Variants in FLNB observed in about 807,000 individuals in gnomAD.
FLNB encodes the protein filamin-B.
FLNB carries 111 observed loss-of-function variants against 250.6 expected under a neutral mutation model. That is an observed-to-expected ratio of 0.44 (90% CI 0.38 to 0.52). FLNB has a LOEUF of 0.52. Among genes scored for constraint, FLNB ranks in the 20% least tolerant of loss-of-function variants. The probability of loss-of-function intolerance (pLI) is 0.00; values close to 1 mark genes in which losing one functional copy is unlikely to be tolerated. For synonymous variants in FLNB, 1,302 were observed against 1,372.1 expected (o/e 0.95, Z 1.13); for missense variants, 2,869 against 3,447.8 (o/e 0.83, Z 4.20).
At chr3:58,104,146 G>A (rs2097255527) in intron 10 of FLNB, 61 bp downstream of exon 10, 2 of 1,586,246 alleles carry the variant, frequency 1.3e-6, no homozygotes, top group Non-Finnish European at 1.7e-6. Flanking sequence ...GCGGACTCAT[G>A]GGTAGTTGCT....
intron 26 of FLNB, among the ~76,000 whole-genome samples, 183 bp from the exon 27 acceptor site, chr3:58,134,431 CAT>C (rs1479418256): frequency 1.3e-5 from 2 of 152,212 alleles, no homozygotes; most frequent in Non-Finnish European, 2.9e-5. Flanking sequence ...ACCAGTCTGT[CAT>C]ATGATGGTTA....
At chr3:58,060,724 A>T (rs1183636972) in intron 1 of FLNB, among the ~76,000 whole-genome samples, 2 of 130,604 alleles carry the variant, frequency 1.5e-5, no homozygotes, top group Non-Finnish European at 3.2e-5. Context: ...CTGGGGCAGG[A>T]GGATTGCTTG....
Position 58,077,102 on chromosome 3 carries a change from C to T in FLNB, c.349C>T (p.Leu117=), listed in dbSNP as rs1559676448. ...GCTCATCTTGGGTCTGGTGTGGACG[C>T]TGATCCTCCACTACTCCATCTCCAT... ...LKLILGLVWT[L]ILHYSISMPV... Residue 117 remains leucine, a synonymous_variant, in exon 2 of 46, where the codon CTG becomes TTG. Transcript: ENST00000295956. The T allele has an allele frequency of 6.2e-7, 1 of 1,614,128 alleles. No individual in the cohort carries two copies. The highest frequency in any genetic ancestry group is 8.5e-7 in the Non-Finnish European group (1 of 1,179,984).
rs776027964 is a variant in FLNB, at chr3:58,150,058, T to C, written c.6245-47T>C. ...ATGCTTGGGTTTTCTGTAAATGCTG[T>C]GCCTTGGCCTCTGGCCTGCTCACAG... is the stretch of plus-strand genomic sequence containing the variant. On this transcript the variant is annotated intron_variant, in intron 37 of 45. Transcript: ENST00000295956. 3 of 1,614,282 alleles carry C rather than the reference T, an allele frequency of 1.9e-6. No individual in the cohort carries two copies. In the East Asian group the frequency reaches 6.7e-5, roughly 36 times the overall value.
At position 58,033,142 on chromosome 3, in the gene FLNB, T is replaced by C. The variant is rs188478366; in HGVS notation, c.292+24286T>C. Among the ~76,000 whole-genome samples the C allele has an allele frequency of 6.6e-5, 10 of 152,196 alleles. No individual in the cohort carries two copies. In the East Asian group the frequency reaches 7.7e-4, roughly 12 times the overall value. On this transcript the variant is annotated intron_variant, in intron 1 of 45. Coordinates refer to ENST00000295956, the MANE Select transcript of FLNB (RefSeq NM_001457.4). ...TAATTGTTATACAATGAAGAACACA[T>C]TTTGATTAGCTTATACACACACTCC...
chr3:58,069,232 C>G (rs1300219190), intron 1 of FLNB, among the ~76,000 whole-genome samples: 2 of 86,366 alleles, frequency 2.3e-5, no homozygotes, highest in African/African-American at 5.0e-5. Context: ...TAGTTCAATT[C>G]TTTTTTTTTT....
At chr3:58,118,744 A>G (rs1413891628) in intron 18 of FLNB, 128 bp from the exon 19 acceptor site, 4 of 778,048 alleles carry the variant, frequency 5.1e-6, no homozygotes, top group Non-Finnish European at 7.1e-6. Flanking sequence ...GATCTAAGAT[A>G]CTTTCTACAT....
intron 18 of FLNB, among the ~76,000 whole-genome samples, chr3:58,116,603 G>C (rs185458232): frequency 6.6e-6 from 1 of 152,224 alleles, no homozygotes; most frequent in African/African-American, 2.4e-5. Context: ...TGAGTCCCTT[G>C]AGGATGCAAA....
chr3:58,125,644 C>T lies in FLNB; in HGVS notation c.3962C>T (p.Ala1321Val), dbSNP rs776043283. 5.0e-6 allele frequency: 8 copies of T among 1,614,038 alleles called. No individual in the cohort carries two copies. The highest frequency in any genetic ancestry group is 6.8e-6 in the Non-Finnish European group (8 of 1,180,034). Reference protein sequence around the residue: ...VPIPNSPFKVAVTEGCQPSRV... With the variant: ...VPIPNSPFKVVVTEGCQPSRV... ...ATCCCAAACAGTCCCTTCAAGGTGGCTGTCACTGAAGGCTGCCAGCCATCT... is the reference window on the plus strand; with the variant it reads ...ATCCCAAACAGTCCCTTCAAGGTGGTTGTCACTGAAGGCTGCCAGCCATCT... The change falls in exon 23 of 46, where the codon GCT becomes GTT. Residue 1321 changes from alanine (A) to valine (V), a missense_variant. Ala to Val is a moderately conservative substitution (Grantham distance 64, BLOSUM62 0). Coordinates refer to ENST00000295956, the MANE Select transcript of FLNB (RefSeq NM_001457.4).
chr3:58,072,870 G>A (rs374368979), intron 1 of FLNB, among the ~76,000 whole-genome samples: 1 of 152,092 alleles, frequency 6.6e-6, no homozygotes, highest in African/African-American at 2.4e-5. Context: ...AAATCTTTTC[G>A]AAAAAGACTT....
chr3:58,112,558 C>T (rs2097270663), intron 18 of FLNB, among the ~76,000 whole-genome samples: 1 of 152,240 alleles, frequency 6.6e-6, no homozygotes, highest in Admixed American at 6.5e-5. Context: ...CCCATATCTC[C>T]ACCTTTGGTT....
intron 1 of FLNB, among the ~76,000 whole-genome samples, chr3:58,058,088 C>T (rs1442292172): frequency 6.6e-6 from 1 of 152,170 alleles, no homozygotes; most frequent in Admixed American, 6.5e-5. Flanking sequence ...TGTGCCTGGC[C>T]AGTTGAGTGG....
intron 34 of FLNB, among the ~76,000 whole-genome samples, chr3:58,147,243 G>A (rs1490858355): frequency 2.0e-5 from 3 of 152,192 alleles, no homozygotes; most frequent in Non-Finnish European, 4.4e-5. Context: ...GTGACTCTAG[G>A]GTGCAAAGAG....
chr3:58,035,913 C>T (rs894113185), intron 1 of FLNB, among the ~76,000 whole-genome samples: 1 of 152,194 alleles, frequency 6.6e-6, no homozygotes, highest in African/African-American at 2.4e-5. Flanking sequence ...TAACTTTCTA[C>T]AGAGATGTAC....
intron 1 of FLNB, among the ~76,000 whole-genome samples, chr3:58,009,178 AG>A (rs1199396598): frequency 1.3e-5 from 2 of 152,142 alleles, no homozygotes; most frequent in African/African-American, 4.8e-5. Flanking sequence ...TATGGGAGCT[AG>A]GGGACTAGAA....
Position 58,114,188 on chromosome 3 carries a change from C to T in FLNB, c.2745+1870C>T, listed in dbSNP as rs539363248. On this transcript the variant is annotated intron_variant, in intron 18 of 45. Coordinates refer to ENST00000295956, the MANE Select transcript of FLNB (RefSeq NM_001457.4). Reference sequence around the variant, plus strand: ...TGGCACTGTCTCGGCTCACTGCAACCTCTGTCTCCTGGGTTCAAGTGATTG... The same window carrying T: ...TGGCACTGTCTCGGCTCACTGCAACTTCTGTCTCCTGGGTTCAAGTGATTG... Among the ~76,000 whole-genome samples the T allele has an allele frequency of 7.9e-5, 12 of 152,276 alleles. No homozygotes were observed. In the South Asian group the frequency reaches 2.5e-3, roughly 32 times the overall value.
intron 4 of FLNB, 73 bp from the exon 5 acceptor site, chr3:58,094,763 A>C: frequency 1.6e-6 from 2 of 1,245,690 alleles, no homozygotes; most frequent in Non-Finnish European, 2.4e-6. Flanking sequence ...GTTCCCTGAA[A>C]GAGATGCAGT....
chr3:58,123,265 T>G lies in FLNB; in HGVS notation c.3299T>G (p.Leu1100Arg), dbSNP rs372776778. 6.2e-6 allele frequency: 10 copies of G among 1,614,048 alleles called. No individual in the cohort carries two copies. The highest frequency in any genetic ancestry group is 8.5e-6 in the Non-Finnish European group (10 of 1,180,042). The stretch of plus-strand genomic sequence containing the variant: ...GATGGGACCTGCTCCGTCTCTTACC[T>G]TCCCACAAAACCCGGGGAGTACTTC... Reference protein sequence around the residue: ...NGDGTCSVSYLPTKPGEYFVN... With the variant: ...NGDGTCSVSYRPTKPGEYFVN... Residue 1100 changes from leucine (L) to arginine (R), a missense_variant, in exon 21 of 46, where the codon CTT (leucine) becomes CGT (arginine). Physicochemically the swap from Leu to Arg is moderately radical, Grantham distance 102 (BLOSUM62 -2). This residue lies in a region of FLNB where 1,348 missense variants were observed against 1,466.7 expected (regional missense o/e 0.92). Coordinates refer to ENST00000295956, the MANE Select transcript of FLNB (RefSeq NM_001457.4).
At chr3:58,122,994 C>T (rs2097291648) in intron 20 of FLNB, 99 bp from the exon 21 acceptor site, 1 of 1,107,944 alleles carries the variant, frequency 9.0e-7, no homozygotes, top group Admixed American at 1.7e-5. Flanking sequence ...CTGCCTGGCT[C>T]AGATGCACTT....
Sources: allele counts gnomAD v4.1 joint callset (sites outside exome capture counted in the v4.1 genomes callset), GRCh38; gene constraint gnomAD v4.1.1; regional missense constraint gnomAD v4.1.1; transcripts MANE v1.5; gene names NCBI Gene and HGNC (gene_info 2026-07-23, HGNC 2026-07-21).